Variants in ZNF365 observed in about 807,000 individuals in gnomAD.
ZNF365 encodes the protein zinc finger protein 365, also known as protein ZNF365.
Under a neutral mutation model 35.0 loss-of-function variants are expected in ZNF365, and 22 were observed. The ratio of observed to expected loss-of-function variants is 0.63; its 90% confidence interval spans 0.45 to 0.90. The LOEUF is 0.90. Ranked by LOEUF, ZNF365 falls within the 40% of genes least tolerant of loss-of-function variation. The probability of loss-of-function intolerance (pLI) is 0.00; values close to 1 mark genes in which losing one functional copy is unlikely to be tolerated. For synonymous variants in ZNF365, 188 were observed against 196.2 expected, an observed-to-expected ratio of 0.96 and a Z score of 0.35; for missense variants, 448 against 500.3, an observed-to-expected ratio of 0.90 and a Z score of 1.00.
At chr10:62,382,058 G>A (rs1204247618) in intron 2 of ZNF365, among the ~76,000 whole-genome samples, 1 of 152,216 alleles carries the variant, frequency 6.6e-6, no homozygotes, top group South Asian at 2.1e-4. Context: ...TCATTAGGGT[G>A]TATGACAAAT....
chr10:62,430,594 T>G (rs983032252), intron 3 of ZNF365, among the ~76,000 whole-genome samples: 11 of 152,204 alleles, frequency 7.2e-5, no homozygotes, highest in East Asian at 5.8e-4. Flanking sequence ...TGTGAGGTTT[T>G]AAACTTAATC....
intron 3 of ZNF365, among the ~76,000 whole-genome samples, chr10:62,411,017 C>G (rs1016931140): frequency 6.6e-6 from 1 of 152,166 alleles, no homozygotes; most frequent in Non-Finnish European, 1.5e-5. Flanking sequence ...TTGCATTTCT[C>G]TAATGATCAG....
rs1442058738 is a variant in ZNF365 at position 62,462,269 on chromosome 10, C to T, written c.981+2472C>T. 2.0e-5 allele frequency among the ~76,000 whole-genome samples: 3 copies of T among 152,210 alleles called. No individual in the cohort carries two copies. In the East Asian group the frequency reaches 5.8e-4, roughly 29 times the overall value. On this transcript the variant is annotated intron_variant, in intron 4 of 4. Coordinates refer to the ZNF365 transcript ENST00000395255. ...GCTCTCCTTATGTTTTACACTTTCT[C>T]TTCATATCAAATAGGTACTCAGACT...
intron 4 of ZNF365, among the ~76,000 whole-genome samples, chr10:62,463,451 G>A (rs1452850698): frequency 6.6e-6 from 1 of 152,236 alleles, no homozygotes; most frequent in Non-Finnish European, 1.5e-5. Flanking sequence ...CCATTGAAAT[G>A]TTGAAAAGCT....
chr10:62,438,138 G>A (rs1414066859), intron 3 of ZNF365, among the ~76,000 whole-genome samples: 1 of 151,962 alleles, frequency 6.6e-6, no homozygotes, highest in African/African-American at 2.4e-5. Context: ...AAGATACAAT[G>A]GAGAACAGGA....
downstream of ZNF365, among the ~76,000 whole-genome samples, chr10:62,405,174 C>T (rs201197597): frequency 1.1e-4 from 17 of 152,222 alleles, no homozygotes; most frequent in East Asian, 1.7e-3. Flanking sequence ...ATCTGGTGTT[C>T]AGTTAAATCA....
chr10:62,420,784 CTT>C (rs10715709), intron 3 of ZNF365, among the ~76,000 whole-genome samples: 15 of 148,098 alleles, frequency 1.0e-4, no homozygotes, highest in East Asian at 2.0e-4. Context: ...TGTTTTCAGG[CTT>C]TTTTTTTTTA....
intron 3 of ZNF365, among the ~76,000 whole-genome samples, chr10:62,409,728 T>A (rs1003104497): frequency 6.6e-6 from 1 of 152,132 alleles, no homozygotes; most frequent in African/African-American, 2.4e-5. Flanking sequence ...ATTTAAGGCC[T>A]CACCAGATGG....
At chr10:62,377,418 C>T (rs1839355898) in intron 2 of ZNF365, among the ~76,000 whole-genome samples, 1 of 152,090 alleles carries the variant, frequency 6.6e-6, no homozygotes, top group African/African-American at 2.4e-5. Flanking sequence ...TATTATCTGC[C>T]CAGGTTAATT....
intron 3 of ZNF365, among the ~76,000 whole-genome samples, chr10:62,395,810 A>C (rs550120358): frequency 1.4e-4 from 21 of 152,254 alleles, no homozygotes; most frequent in African/African-American, 4.8e-4. Flanking sequence ...TGAAATTCTA[A>C]ATCTGAAGGA....
chr10:62,445,711 TTGTGTA>T (rs1410962083), intron 3 of ZNF365, among the ~76,000 whole-genome samples: 3 of 152,350 alleles, frequency 2.0e-5, no homozygotes, highest in Admixed American at 6.5e-5. Context: ...TTCTCTACTT[TTGTGTA>T]TGTTTGAAAG....
rs150176146 is a variant in ZNF365 at position 62,457,885 on chromosome 10, C to T, written c.925-1856C>T. On this transcript the variant is annotated intron_variant, in intron 3 of 4. Transcript: ENST00000395255. ...CAAGCTTCCCTTTAGGATGCAAGTA[C>T]AGAGAATCATGCAAATGACTTTCTT... 1.1e-4 allele frequency among the ~76,000 whole-genome samples: 17 copies of T among 152,322 alleles called. No homozygotes were observed. In the East Asian group the frequency reaches 1.9e-3, roughly 17 times the overall value.
Position 62,376,187 on chromosome 10 carries a change from T to C in ZNF365, c.-7T>C, listed in dbSNP as rs189552151. 5.0e-6 allele frequency: 8 copies of C among 1,613,840 alleles called. No homozygotes were observed. The Admixed American group carries it at 1.2e-4, about 24-fold the overall frequency. On this transcript the variant is annotated 5_prime_UTR_variant, in exon 2 of 5. Coordinates refer to ENST00000395254, the MANE Select transcript of ZNF365 (RefSeq NM_014951.3). ...CCTATTTCCCCCCTCCCAGGACTTT[T>C]AGAGTAATGCAACAGAAGGCTTTTG...
intron 2 of ZNF365, among the ~76,000 whole-genome samples, chr10:62,380,722 G>T (rs1416854280): frequency 1.3e-5 from 2 of 152,154 alleles, no homozygotes; most frequent in African/African-American, 4.8e-5. Flanking sequence ...AGTGAAACAG[G>T]TATTTACTTA....
At chr10:62,419,952 G>A (rs967104935) in intron 3 of ZNF365, among the ~76,000 whole-genome samples, 2 of 151,798 alleles carry the variant, frequency 1.3e-5, no homozygotes, top group African/African-American at 4.8e-5. Flanking sequence ...ATCAATTCCT[G>A]GTTTGCTAAG....
rs888959115 is a variant in ZNF365 at position 62,400,404 on chromosome 10, C to T, written c.*615C>T. On this transcript the variant is annotated 3_prime_UTR_variant, in exon 5 of 5. Coordinates refer to ENST00000395254, the MANE Select transcript of ZNF365 (RefSeq NM_014951.3). Reference sequence around the variant, plus strand: ...CATTCCGACAGGGTGTCTTTCAGTTCGTTTGTTTGATTGAGGTTTTTTGGT... The same window carrying T: ...CATTCCGACAGGGTGTCTTTCAGTTTGTTTGTTTGATTGAGGTTTTTTGGT... The T allele has an allele frequency of 5.2e-5, 51 of 985,894 alleles. No homozygotes were observed. The highest frequency in any genetic ancestry group is 1.0e-4 in the African/African-American group (6 of 57,166). The allele number at this position is 985,894 out of a possible 1,614,324, so 61.1% of individuals were successfully genotyped here. A position where few individuals can be genotyped will look rare whatever the true frequency, so the allele number is the denominator to read the frequency against.
intron 3 of ZNF365, among the ~76,000 whole-genome samples, chr10:62,431,483 CTATGCTGTTAATAGTCT>C (rs1201081715): frequency 6.8e-6 from 1 of 147,900 alleles, no homozygotes; most frequent in Non-Finnish European, 1.5e-5. Flanking sequence ...GCAACATAGT[CTATGCTGTTAATAGTCT>C]AATGCTGTTA....
At position 62,421,092 on chromosome 10, in the gene ZNF365, C is replaced by T. The variant is rs1327982273; in HGVS notation, c.924+32516C>T. ...ACTTGGGTTTAGAGACATTGGCAAC[C>T]GATAGTGGTAGCTCATTGCTTATAC... On this transcript the variant is annotated intron_variant, in intron 3 of 4. Transcript: ENST00000395255. Among the ~76,000 whole-genome samples, 4 of 151,878 alleles carry T rather than the reference C, an allele frequency of 2.6e-5. No individual in the cohort carries two copies. In the South Asian group the frequency reaches 6.2e-4, roughly 24 times the overall value.
chr10:62,391,888 C>G (rs948736051), intron 3 of ZNF365, among the ~76,000 whole-genome samples: 4 of 152,182 alleles, frequency 2.6e-5, no homozygotes, highest in African/African-American at 4.8e-5. Flanking sequence ...TGTTCGTTCC[C>G]TTTTCGCCAC....
Sources: allele counts gnomAD v4.1 joint callset (sites outside exome capture counted in the v4.1 genomes callset), GRCh38; gene constraint gnomAD v4.1.1; transcripts MANE v1.5; gene names NCBI Gene and HGNC (gene_info 2026-07-23, HGNC 2026-07-21).